CYRIB: variants seen among roughly 807,000 people sequenced by gnomAD.
The protein encoded by CYRIB is CYFIP related Rac1 interactor B.
A neutral mutation model predicts 44.2 loss-of-function variants in CYRIB; 8 were observed. That is an observed-to-expected ratio of 0.18 (90% CI 0.11 to 0.33). The LOEUF is 0.33. CYRIB is among the 10% of genes least tolerant of loss of function. CYRIB has a pLI of 1.00. For missense variants in CYRIB, 185 were observed against 382.8 expected (o/e 0.48, Z 4.31); for synonymous variants, 131 against 127.2 (o/e 1.03, Z -0.20).
chr8:129,861,126 T>C (rs891389562), intron 5 of CYRIB, among the ~76,000 whole-genome samples: 1 of 152,234 alleles, frequency 6.6e-6, no homozygotes, highest in Non-Finnish European at 1.5e-5. Context: ...GAAGTACGTG[T>C]TTTAACTACA....
intron 2 of CYRIB, among the ~76,000 whole-genome samples, chr8:129,900,388 A>C (rs888519872): frequency 6.6e-6 from 1 of 152,158 alleles, no homozygotes; most frequent in African/African-American, 2.4e-5. Context: ...TTTTGCTGTT[A>C]ATCAAACTTT....
chr8:129,891,610 AG>A (rs1336260614), intron 2 of CYRIB, among the ~76,000 whole-genome samples: 2 of 152,364 alleles, frequency 1.3e-5, no homozygotes, highest in East Asian at 3.9e-4. Flanking sequence ...TTTTAATTTT[AG>A]CTACTAAATT....
At chr8:129,992,057 C>T (rs1201973627) in intron 1 of CYRIB, among the ~76,000 whole-genome samples, 7 of 145,732 alleles carry the variant, frequency 4.8e-5, no homozygotes, top group South Asian at 2.2e-4. Context: ...GGTTCACGCC[C>T]GTAATCCCAG....
chr8:129,949,012 A>T (rs1299951305), intron 2 of CYRIB: 2 of 152,278 alleles, frequency 1.3e-5, no homozygotes, highest in African/African-American at 4.8e-5. Flanking sequence ...AAGGTCAAGG[A>T]TGCAGTGGGT....
chr8:129,925,971 A>G lies in CYRIB; in HGVS notation c.-50+13637T>C, dbSNP rs139396810. Among the ~76,000 whole-genome samples, 30 of 152,316 alleles carry G rather than the reference A, an allele frequency of 2.0e-4. No homozygotes were observed. In the East Asian group the frequency reaches 5.8e-3, roughly 29 times the overall value. On this transcript the variant is annotated intron_variant, in intron 1 of 11. Coordinates refer to ENST00000519824, the Ensembl canonical transcript of CYRIB. Reference sequence around the variant, plus strand: ...GTCAAAAACTCTTTTCCAACTTCCAACTTTCTGAATGAAACCTTTTACAAC... The same window carrying G: ...GTCAAAAACTCTTTTCCAACTTCCAGCTTTCTGAATGAAACCTTTTACAAC...
intron 1 of CYRIB, among the ~76,000 whole-genome samples, chr8:130,004,761 ATTTT>A (rs775327457): frequency 2.4e-5 from 3 of 123,892 alleles, no homozygotes; most frequent in Admixed American, 8.4e-5. Flanking sequence ...ATTGTCAGGA[ATTTT>A]TTTTTTTTTT....
intron 1 of CYRIB, among the ~76,000 whole-genome samples, chr8:129,976,849 T>C (rs991148374): frequency 5.9e-5 from 9 of 152,166 alleles, no homozygotes; most frequent in African/African-American, 2.2e-4. Context: ...TTGGGGTTTT[T>C]TTTTAATTGA....
At chr8:129,938,788 T>C (rs1276676646) in intron 1 of CYRIB, among the ~76,000 whole-genome samples, 1 of 152,092 alleles carries the variant, frequency 6.6e-6, no homozygotes, top group Non-Finnish European at 1.5e-5. Context: ...AGGAAATTAA[T>C]CCATCATAGA....
intron 3 of CYRIB, among the ~76,000 whole-genome samples, chr8:129,873,169 T>C (rs2057959598): frequency 6.6e-6 from 1 of 151,978 alleles, no homozygotes. Flanking sequence ...TGTTCCCTTA[T>C]TTTTCAAATT....
chr8:129,973,934 G>A (rs7829924), intron 1 of CYRIB, among the ~76,000 whole-genome samples: 346 of 152,266 alleles, frequency 2.3e-3, no homozygotes, highest in African/African-American at 7.7e-3. Context: ...TCTCCTCCAA[G>A]AGACTTTAAG....
chr8:129,971,370 G>A lies in CYRIB; in HGVS notation c.-295-375C>T, dbSNP rs184938499. 6.0e-4 allele frequency among the ~76,000 whole-genome samples: 92 copies of A among 152,206 alleles called. 1 individual carries two copies. The highest frequency in any genetic ancestry group is 2.1e-3 in the African/African-American group (87 of 41,528). On this transcript the variant is annotated intron_variant, in intron 1 of 14. Coordinates refer to the CYRIB transcript ENST00000401979. ...GACCTCCCAAAGTGCTGAATTACAGGCATGAACCACCGCACCCAGCCCCAG... is the reference window on the plus strand; with the variant it reads ...GACCTCCCAAAGTGCTGAATTACAGACATGAACCACCGCACCCAGCCCCAG...
chr8:129,937,794 G>C (rs1253193096), intron 1 of CYRIB, among the ~76,000 whole-genome samples: 1 of 152,098 alleles, frequency 6.6e-6, no homozygotes, highest in Non-Finnish European at 1.5e-5. Flanking sequence ...CAAAGCAAGA[G>C]TTCCCTGACA....
intron 2 of CYRIB, among the ~76,000 whole-genome samples, chr8:129,959,184 T>C (rs1174620426): frequency 6.6e-6 from 1 of 152,066 alleles, no homozygotes; most frequent in Non-Finnish European, 1.5e-5. Flanking sequence ...ACAAATCTTT[T>C]TAGGTCTCTA....
At chr8:129,962,242 T>TA (rs758699040) in intron 2 of CYRIB, among the ~76,000 whole-genome samples, 17 of 149,048 alleles carry the variant, frequency 1.1e-4, no homozygotes, top group Non-Finnish European at 2.1e-4. Context: ...AAACCCTGTT[T>TA]AAAAAAAAAG....
At chr8:129,991,943 CAAAAAAAA>C (rs35897320) in intron 1 of CYRIB, among the ~76,000 whole-genome samples, 4 of 19,194 alleles carry the variant, frequency 2.1e-4, no homozygotes, top group Non-Finnish European at 3.9e-4. Flanking sequence ...AGCAGAGTCG[CAAAAAAAA>C]AAAAAAAAAA....
At chr8:129,931,609 G>T (rs1223104227) in intron 1 of CYRIB, among the ~76,000 whole-genome samples, 2 of 152,044 alleles carry the variant, frequency 1.3e-5, no homozygotes, top group African/African-American at 2.4e-5. Context: ...AATAATATGT[G>T]TCGTGTTCTT....
chr8:129,924,920 G>GTGAC (rs1446748555), intron 1 of CYRIB, among the ~76,000 whole-genome samples: 1 of 152,242 alleles, frequency 6.6e-6, no homozygotes, highest in East Asian at 1.9e-4. Flanking sequence ...CGAGGCTGCA[G>GTGAC]TGACTGAAAG....
chr8:129,841,079 C>T (rs1431558781), exon 12 of CYRIB: 1 of 152,148 alleles, frequency 6.6e-6, no homozygotes, highest in Non-Finnish European at 1.5e-5. Flanking sequence ...CTAGTGAGAT[C>T]ATGGCCTCTG....
At chr8:129,929,682 G>A (rs924332999) in intron 1 of CYRIB, among the ~76,000 whole-genome samples, 5 of 151,992 alleles carry the variant, frequency 3.3e-5, no homozygotes, top group Non-Finnish European at 7.4e-5. Context: ...TACCAAAATG[G>A]CGTACATACC....
Sources: gnomAD v4.1 joint callset for allele counts (sites outside exome capture counted in the v4.1 genomes callset) on GRCh38, gnomAD v4.1.1 for gene constraint, MANE v1.5 for transcripts, NCBI Gene and HGNC (gene_info 2026-07-23, HGNC 2026-07-21) for gene names.